The following ROCK2 variants were observed in gnomAD, a reference collection of about 807,000 sequenced individuals.
The protein encoded by ROCK2 is rho-associated protein kinase 2.
In ROCK2, 61 loss-of-function variants were observed where a neutral mutation model predicts 195.1. The ratio of observed to expected loss-of-function variants is 0.31; its 90% CI spans 0.25 to 0.39. ROCK2 has a LOEUF of 0.39. Ranked by LOEUF, ROCK2 falls within the 10% of genes least tolerant of loss-of-function variation. The pLI, the probability that ROCK2 is intolerant of heterozygous loss-of-function variation, is 1.00. For synonymous variants in ROCK2, 504 were observed against 545.5 expected (o/e 0.92, Z 1.06); for missense variants, 1,109 against 1,637.4 (o/e 0.68, Z 5.57).
At chr2:11,335,430 T>C (rs1025980057) in intron 1 of ROCK2, among the ~76,000 whole-genome samples, 1 of 152,186 alleles carries the variant, frequency 6.6e-6, no homozygotes, top group Admixed American at 6.5e-5. Context: ...CATATGCTAG[T>C]CCACCAAGGG....
rs747673451 is a variant in ROCK2, at chr2:11,344,080, C to T, written c.57G>A (p.Gly19=). The change falls in exon 1 of 33, where the codon GGG becomes GGA. Residue 19 remains glycine (G), a synonymous_variant. Coordinates refer to ENST00000315872, the MANE Select transcript of ROCK2 (RefSeq NM_004850.5). The surrounding 1 kb of genome is among the most constrained non-coding windows in gnomAD (Gnocchi z 5.4). ...KMPGAPETAP[G]DGAGASRQRK... is the part of the protein sequence containing the mutation. ...TCTGGCGGCTCGCGCCTGCCCCGTC[C>T]CCCGGCGCGGTCTCGGGGGCGCCGG... The T allele has an allele frequency of 1.3e-6, 2 of 1,547,722 alleles. No individual in the cohort carries two copies. Among genetic ancestry groups the T allele is most frequent in the East Asian group, 2.6e-5 (1 of 38,670 alleles).
intron 19 of ROCK2, 53 bp downstream of exon 19, chr2:11,208,234 A>C: frequency 1.3e-6 from 1 of 748,658 alleles, no homozygotes; most frequent in Non-Finnish European, 1.8e-6. Flanking sequence ...CTTCATGAAT[A>C]AACCTATTAA....
At chr2:11,327,175 A>G (rs1253186901) in intron 1 of ROCK2, among the ~76,000 whole-genome samples, 1 of 152,196 alleles carries the variant, frequency 6.6e-6, no homozygotes, top group African/African-American at 2.4e-5. Flanking sequence ...ATGAAAATTC[A>G]TGAGGACAAG....
At chr2:11,338,787 C>T (rs985300169) in intron 1 of ROCK2, among the ~76,000 whole-genome samples, 3 of 151,912 alleles carry the variant, frequency 2.0e-5, no homozygotes, top group Non-Finnish European at 4.4e-5. Context: ...AAACTGCTGA[C>T]ACACACAATA....
At chr2:11,322,079 A>G (rs965904787) in intron 1 of ROCK2, among the ~76,000 whole-genome samples, 5 of 152,218 alleles carry the variant, frequency 3.3e-5, no homozygotes, top group African/African-American at 1.2e-4. Flanking sequence ...TGAGAAGGTG[A>G]CCATCTGCAT....
Position 11,260,202 on chromosome 2 carries a change from C to T in ROCK2, c.325-10404G>A, listed in dbSNP as rs1339164529. ...GTGGCTCACGCCTGTAATCCCAGCACTTTGGGAGGCTGAGGCAGGTGTATC... is the reference window on the plus strand; with the variant it reads ...GTGGCTCACGCCTGTAATCCCAGCATTTTGGGAGGCTGAGGCAGGTGTATC... On this transcript the variant is annotated intron_variant, in intron 3 of 32. Transcript: ENST00000315872. Among the ~76,000 whole-genome samples the T allele has an allele frequency of 2.0e-5, 3 of 151,300 alleles. 1 individual carries two copies. Among genetic ancestry groups the T allele is most frequent in the African/African-American group, 7.4e-5 (3 of 40,648 alleles).
chr2:11,212,088 T>G (rs1038597586), intron 17 of ROCK2, among the ~76,000 whole-genome samples: 3 of 151,914 alleles, frequency 2.0e-5, no homozygotes, highest in African/African-American at 7.3e-5. Context: ...TTTTATTTTA[T>G]TTTTAATGTA....
At chr2:11,329,661 G>C (rs543971187) in intron 1 of ROCK2, among the ~76,000 whole-genome samples, 10 of 150,004 alleles carry the variant, frequency 6.7e-5, no homozygotes, top group Admixed American at 4.7e-4. Context: ...CTGTTTTCCA[G>C]CATTCAAAAT....
chr2:11,291,442 C>G (rs1572369503), intron 1 of ROCK2, among the ~76,000 whole-genome samples: 1 of 152,272 alleles, frequency 6.6e-6, no homozygotes, highest in East Asian at 1.9e-4. Flanking sequence ...CCCAGCTACT[C>G]GAGAGGCTGA....
intron 30 of ROCK2, 126 bp downstream of exon 30, chr2:11,193,653 C>T: frequency 2.1e-6 from 1 of 478,064 alleles, no homozygotes; most frequent in Non-Finnish European, 3.7e-6. Flanking sequence ...AGGACTGAAA[C>T]ATAAAGGTAA....
chr2:11,208,540 C>T (rs1664137240), intron 18 of ROCK2, 93 bp from the exon 19 acceptor site: 4 of 556,254 alleles, frequency 7.2e-6, no homozygotes, highest in Non-Finnish European at 1.1e-5. Flanking sequence ...TGACACCATA[C>T]TAATAAAAAT....
chr2:11,218,693 T>C (rs1329941044), intron 10 of ROCK2, among the ~76,000 whole-genome samples: 1 of 152,232 alleles, frequency 6.6e-6, no homozygotes, highest in Non-Finnish European at 1.5e-5. Context: ...CTAAATGTTA[T>C]TATAGTTGTT....
intron 3 of ROCK2, among the ~76,000 whole-genome samples, chr2:11,284,110 G>A (rs1273379533): frequency 2.0e-5 from 3 of 152,130 alleles, no homozygotes; most frequent in African/African-American, 7.2e-5. Context: ...AAGACATGGA[G>A]AAACCTTAAA....
At chr2:11,221,557 G>C (rs1331279611) in intron 8 of ROCK2, among the ~76,000 whole-genome samples, 200 bp from the exon 9 acceptor site, 3 of 151,996 alleles carry the variant, frequency 2.0e-5, no homozygotes, top group Non-Finnish European at 4.4e-5. Flanking sequence ...ATTAAACAAG[G>C]AAAGCAACAT....
chr2:11,202,658 T>C (rs1317423154), intron 20 of ROCK2, among the ~76,000 whole-genome samples: 14 of 151,814 alleles, frequency 9.2e-5, no homozygotes, highest in Admixed American at 2.0e-4. Flanking sequence ...CCACCACACC[T>C]GGCTAATTTT....
At chr2:11,306,751 C>T (rs1235573643) in intron 1 of ROCK2, among the ~76,000 whole-genome samples, 1 of 152,182 alleles carries the variant, frequency 6.6e-6, no homozygotes, top group Admixed American at 6.5e-5. Context: ...GAGCTAATGT[C>T]CTTGCCCAAA....
intron 3 of ROCK2, among the ~76,000 whole-genome samples, chr2:11,272,537 G>A (rs75794059): frequency 6.6e-6 from 1 of 152,184 alleles, no homozygotes; most frequent in African/African-American, 2.4e-5. Context: ...AATGAATAAG[G>A]AGGTAATTCT....
At chr2:11,334,510 C>CAAAAAAAAAAAAAAAAAAAAAAAAAA (rs34182610) in intron 1 of ROCK2, among the ~76,000 whole-genome samples, 1 of 89,676 alleles carries the variant, frequency 1.1e-5, no homozygotes. Context: ...GACTCTGTCT[C>CAAAAAAAAAAAAAAAAAAAAAAAAAA]AAAAAAAAAA....
At chr2:11,194,721 G>A (rs1326316650) in intron 28 of ROCK2, among the ~76,000 whole-genome samples, 3 of 151,890 alleles carry the variant, frequency 2.0e-5, no homozygotes, top group Non-Finnish European at 2.9e-5. Flanking sequence ...AACAGCAAAA[G>A]TATCAAAATC....
Sources: gnomAD v4.1 joint callset for allele counts (sites outside exome capture counted in the v4.1 genomes callset) on GRCh38, gnomAD v4.1.1 for gene constraint, Gnocchi (gnomAD v3.1) non-coding constraint, MANE v1.5 for transcripts, NCBI Gene and HGNC (gene_info 2026-07-23, HGNC 2026-07-21) for gene names.